Variants in TMEM184B observed in about 807,000 individuals in gnomAD.
The protein encoded by TMEM184B is putative MAPK-activating protein FM08.
TMEM184B carries 17 observed loss-of-function variants against 41.8 expected under a neutral mutation model. The ratio of observed to expected loss-of-function variants is 0.41; its 90% confidence interval spans 0.28 to 0.61. The LOEUF (loss-of-function observed/expected upper bound fraction) is 0.61, where lower values mean the gene tolerates loss of function less well. Ranked by LOEUF, TMEM184B falls within the 20% of genes least tolerant of loss-of-function variation. TMEM184B has a pLI of 0.34. For missense variants in TMEM184B, 393 were observed against 557.8 expected (o/e 0.70, Z 2.98); for synonymous variants, 240 against 229.5 (o/e 1.05, Z -0.41).
intron 1 of TMEM184B, chr22:38,272,392 G>T: frequency 1.2e-6 from 1 of 825,558 alleles, no homozygotes; most frequent in Non-Finnish European, 1.5e-6. Flanking sequence ...GACCTGTGTG[G>T]CGGGCGTGTA....
chr22:38,268,387 A>AG (rs2092473944), intron 1 of TMEM184B, among the ~76,000 whole-genome samples: 1 of 151,552 alleles, frequency 6.6e-6, no homozygotes, highest in South Asian at 2.1e-4. Context: ...AAAAAAAAAA[A>AG]AAAGAAAGAA....
At chr22:38,235,931 C>A (rs1257241732) in intron 3 of TMEM184B, among the ~76,000 whole-genome samples, 1 of 152,224 alleles carries the variant, frequency 6.6e-6, no homozygotes, top group African/African-American at 2.4e-5. Flanking sequence ...GTACCAGACC[C>A]CTGGAGAGGC....
At chr22:38,256,516 A>G (rs4821775) in intron 1 of TMEM184B, among the ~76,000 whole-genome samples, 1 of 152,170 alleles carries the variant, frequency 6.6e-6, no homozygotes, top group African/African-American at 2.4e-5. Context: ...GGCGTGAGCC[A>G]CCATGCCCGG....
At chr22:38,219,270 G>GA (rs1387732634), downstream of TMEM184B, 22 of 985,432 alleles carry the variant, frequency 2.2e-5, no homozygotes, top group Non-Finnish European at 2.7e-5. Context: ...GAGGAGGAAG[G>GA]AAAAACCTCA....
At chr22:38,241,552 G>T (rs913175431) in intron 3 of TMEM184B, among the ~76,000 whole-genome samples, 13 of 150,950 alleles carry the variant, frequency 8.6e-5, no homozygotes, top group African/African-American at 2.9e-4. Flanking sequence ...AATTAGCGGG[G>T]CATGGTGGTG....
chr22:38,268,362 G>A (rs1252340161), intron 1 of TMEM184B, among the ~76,000 whole-genome samples: 6 of 141,788 alleles, frequency 4.2e-5, no homozygotes, highest in Non-Finnish European at 9.3e-5. Context: ...GCAACAGAGG[G>A]AGACCCTGTC....
At chr22:38,258,301 T>A (rs1340380988) in intron 1 of TMEM184B, among the ~76,000 whole-genome samples, 10 of 115,382 alleles carry the variant, frequency 8.7e-5, no homozygotes, top group Non-Finnish European at 1.2e-4. Flanking sequence ...TTTTTCCAAA[T>A]TTTTTTTTTT....
intron 1 of TMEM184B, among the ~76,000 whole-genome samples, chr22:38,269,585 G>T (rs913769176): frequency 1.3e-5 from 2 of 152,122 alleles, no homozygotes; most frequent in Non-Finnish European, 2.9e-5. Flanking sequence ...TAATCTCAGC[G>T]CTTTAGAAGG....
rs2091973516 is a variant in TMEM184B, at chr22:38,244,120, A to ATGGGC, written c.358+1810_358+1814dup. On this transcript the variant is annotated intron_variant, in intron 3 of 8. Transcript: ENST00000361906. The stretch of plus-strand genomic sequence containing the variant: ...CAGAAATATGAAAGGCTGGGGTGCA[A>ATGGGC]TGGGCTCCTGTTGGGCGCCTCCATT... 1.3e-5 allele frequency among the ~76,000 whole-genome samples: 2 copies of ATGGGC among 152,162 alleles called. 1 individual carries two copies. The highest frequency in any genetic ancestry group is 4.1e-4 in the South Asian group (2 of 4,828).
intron 1 of TMEM184B, among the ~76,000 whole-genome samples, chr22:38,268,145 G>A (rs2092470533): frequency 6.6e-6 from 1 of 152,176 alleles, no homozygotes; most frequent in Admixed American, 6.5e-5. Context: ...CACTTTGGGA[G>A]GCCAAGGCGG....
At chr22:38,231,357 A>T in intron 3 of TMEM184B, 23 bp from the exon 4 acceptor site, 1 of 1,593,768 alleles carries the variant, frequency 6.3e-7, no homozygotes, top group Non-Finnish European at 8.6e-7. Flanking sequence ...TGTCCAGGAG[A>T]AACCAGTCAA....
At chr22:38,224,357 A>G (rs1037448449) in intron 8 of TMEM184B, among the ~76,000 whole-genome samples, 17 of 152,008 alleles carry the variant, frequency 1.1e-4, no homozygotes, top group African/African-American at 1.9e-4. Flanking sequence ...CTTGTGATCC[A>G]CCCGCCTCGG....
At chr22:38,253,084 G>A (rs375069060) in intron 1 of TMEM184B, among the ~76,000 whole-genome samples, 1 of 152,194 alleles carries the variant, frequency 6.6e-6, no homozygotes, top group Admixed American at 6.5e-5. Context: ...AGAGCTTGCA[G>A]TGAGCCGAGA....
In TMEM184B at chr22:38,226,823, A is replaced by G; in HGVS notation, c.573T>C (p.Thr191=). Residue 191 remains threonine (T), a synonymous_variant, in exon 6 of 9, where the codon ACT becomes ACC. Coordinates refer to ENST00000361906, the MANE Select transcript of TMEM184B (RefSeq NM_012264.5). The surrounding 1 kb of genome is among the most constrained non-coding windows in gnomAD (Gnocchi z 4.6). ...CVVKPLMAVS[T]VVLQAFGKYR... ...ACTTGCCGAAGGCCTGGAGGACCACAGTGCTGACCGCCATGAGTGGCTTCA... is the reference window on the plus strand; with the variant it reads ...ACTTGCCGAAGGCCTGGAGGACCACGGTGCTGACCGCCATGAGTGGCTTCA... 1.2e-6 allele frequency: 2 copies of G among 1,606,280 alleles called. No individual in the cohort carries two copies. Among genetic ancestry groups the G allele is most frequent in the East Asian group, 2.2e-5 (1 of 44,602 alleles).
chr22:38,217,845 AAAG>A (rs1361610559), downstream of TMEM184B, among the ~76,000 whole-genome samples: 3,458 of 114,556 alleles, frequency 0.03, 59 homozygotes, highest in Middle Eastern at 0.062. Flanking sequence ...AAAAAAAAAA[AAAG>A]AAAAGAAAAG....
At chr22:38,262,198 A>T (rs1181057617) in intron 1 of TMEM184B, among the ~76,000 whole-genome samples, 1 of 152,226 alleles carries the variant, frequency 6.6e-6, no homozygotes, top group Non-Finnish European at 1.5e-5. Context: ...CCAAACAGGC[A>T]GCGGCAGGCA....
intron 4 of TMEM184B, 106 bp downstream of exon 4, chr22:38,231,138 G>A: frequency 9.9e-7 from 1 of 1,006,308 alleles, no homozygotes; most frequent in Admixed American, 1.7e-5. Context: ...GCAGGTCAAG[G>A]TCACGGGCAG....
intron 3 of TMEM184B, among the ~76,000 whole-genome samples, chr22:38,245,513 C>T (rs550553598): frequency 2.8e-4 from 40 of 143,548 alleles, no homozygotes; most frequent in African/African-American, 7.2e-4. Context: ...CTGTCTGAGA[C>T]GCCAGCACTA....
At chr22:38,263,964 T>C (rs2092408415) in intron 1 of TMEM184B, among the ~76,000 whole-genome samples, 1 of 152,048 alleles carries the variant, frequency 6.6e-6, no homozygotes, top group African/African-American at 2.4e-5. Context: ...GTCACCACGC[T>C]GGGCTAATTT....
Sources: allele counts gnomAD v4.1 joint callset (sites outside exome capture counted in the v4.1 genomes callset), GRCh38; gene constraint gnomAD v4.1.1; non-coding constraint Gnocchi (gnomAD v3.1); transcripts MANE v1.5; gene names NCBI Gene and HGNC (gene_info 2026-07-23, HGNC 2026-07-21).